PPP3CB: variants seen among roughly 807,000 people sequenced by gnomAD.
The protein encoded by PPP3CB is protein phosphatase 3 catalytic subunit beta.
PPP3CB carries 8 observed loss-of-function variants against 66.4 expected under a neutral mutation model. That is an observed-to-expected ratio of 0.12 (90% CI 0.07 to 0.22). The LOEUF (loss-of-function observed/expected upper bound fraction) is 0.22, where lower values mean the gene tolerates loss of function less well. PPP3CB is among the 10% of genes least tolerant of loss of function. The probability of loss-of-function intolerance (pLI) is 1.00; values close to 1 mark genes in which losing one functional copy is unlikely to be tolerated. For missense variants in PPP3CB, 319 were observed against 642.5 expected (o/e 0.50, Z 5.44); for synonymous variants, 208 against 221.2 (o/e 0.94, Z 0.53).
intron 4 of PPP3CB, among the ~76,000 whole-genome samples, chr10:73,474,129 G>A (rs746892493): frequency 6.6e-6 from 1 of 151,590 alleles, no homozygotes; most frequent in Non-Finnish European, 1.5e-5. Flanking sequence ...TGCAACCTCC[G>A]CCTCCCAGGT....
intron 1 of PPP3CB, among the ~76,000 whole-genome samples, chr10:73,489,514 TAATTCTCC>T (rs2057038464): frequency 6.6e-6 from 1 of 152,128 alleles, no homozygotes; most frequent in Non-Finnish European, 1.5e-5. Flanking sequence ...CGGTCTCTAT[TAATTCTCC>T]AAAAACCCTA....
chr10:73,469,262 CA>C (rs1279148492), intron 8 of PPP3CB, among the ~76,000 whole-genome samples: 6 of 152,104 alleles, frequency 3.9e-5, no homozygotes, highest in African/African-American at 1.2e-4. Context: ...GGAATCAGGG[CA>C]GGGGCGCAGT....
chr10:73,447,908 C>CA lies in PPP3CB; in HGVS notation c.1187-1336dup, dbSNP rs568585890. ...TTTAAAATACCAAAAAAAAAAACCACAAAAAAACCCCCAAAAACTAAAAAT... is the reference window on the plus strand; with the variant it reads ...TTTAAAATACCAAAAAAAAAAACCACAAAAAAAACCCCCAAAAACTAAAAAT... On this transcript the variant is annotated intron_variant, in intron 10 of 13. Coordinates refer to ENST00000360663, the MANE Select transcript of PPP3CB (RefSeq NM_021132.4). Among the ~76,000 whole-genome samples, 153 of 149,336 alleles carry CA rather than the reference C, an allele frequency of 1.0e-3. 2 individuals carry two copies. The highest frequency in any genetic ancestry group is 3.5e-3 in the African/African-American group (142 of 40,898).
intron 1 of PPP3CB, among the ~76,000 whole-genome samples, chr10:73,494,990 TCTG>T (rs2057160075): frequency 6.6e-6 from 1 of 152,216 alleles, no homozygotes; most frequent in African/African-American, 2.4e-5. Context: ...TTTAAATTAA[TCTG>T]CTGACCTGTT....
intron 12 of PPP3CB, among the ~76,000 whole-genome samples, chr10:73,441,377 A>C (rs1259924021): frequency 1.3e-5 from 2 of 152,154 alleles, no homozygotes; most frequent in African/African-American, 4.8e-5. Flanking sequence ...CTGAGGTGGA[A>C]GGATCCCTTG....
intron 1 of PPP3CB, among the ~76,000 whole-genome samples, chr10:73,482,149 A>T (rs2056889440): frequency 6.6e-6 from 1 of 152,196 alleles, no homozygotes. Context: ...TCTTACTAAT[A>T]AACACAAATT....
At chr10:73,442,461 G>A (rs536816181) in intron 12 of PPP3CB, among the ~76,000 whole-genome samples, 1 of 152,312 alleles carries the variant, frequency 6.6e-6, no homozygotes, top group East Asian at 1.9e-4. Flanking sequence ...ACTGAGAGAT[G>A]ACTATACTGT....
chr10:73,467,716 A>C (rs773733258), intron 8 of PPP3CB, 38 bp from the exon 9 acceptor site: 5 of 1,473,266 alleles, frequency 3.4e-6, no homozygotes, highest in African/African-American at 1.5e-5. Flanking sequence ...TTAATAGATA[A>C]GTAACTATTT....
chr10:73,459,363 G>C (rs1214108938), intron 9 of PPP3CB, among the ~76,000 whole-genome samples: 1 of 152,166 alleles, frequency 6.6e-6, no homozygotes, highest in East Asian at 1.9e-4. Context: ...GCGGGCACCT[G>C]TAGTCCCAGC....
At chr10:73,487,913 T>C (rs2133032247) in intron 1 of PPP3CB, among the ~76,000 whole-genome samples, 1 of 152,034 alleles carries the variant, frequency 6.6e-6, no homozygotes, top group South Asian at 2.1e-4. Context: ...CTCGAGTAGC[T>C]GGGATTACAG....
chr10:73,448,947 A>G (rs1009396725), intron 10 of PPP3CB, among the ~76,000 whole-genome samples: 16 of 152,376 alleles, frequency 1.1e-4, no homozygotes, highest in Admixed American at 9.8e-4. Flanking sequence ...TTATGGACAG[A>G]ATAACTATCA....
At chr10:73,443,200 C>T (rs1283804026) in intron 12 of PPP3CB, among the ~76,000 whole-genome samples, 1 of 146,270 alleles carries the variant, frequency 6.8e-6, no homozygotes, top group African/African-American at 2.6e-5. Context: ...CTCTCACACA[C>T]ACACATGTAC....
chr10:73,454,519 C>T, intron 9 of PPP3CB, 30 bp from the exon 10 acceptor site: 1 of 1,499,884 alleles, frequency 6.7e-7, no homozygotes. Flanking sequence ...TACATGTTAG[C>T]TGACCATATA....
intron 13 of PPP3CB, 143 bp downstream of exon 13, chr10:73,439,729 G>C (rs1260956346): frequency 6.9e-6 from 6 of 869,342 alleles, no homozygotes; most frequent in Non-Finnish European, 1.1e-5. Context: ...AAAGAGGGCT[G>C]CAAGGCTTCT....
chr10:73,476,520 G>A (rs2056791228), intron 3 of PPP3CB, among the ~76,000 whole-genome samples: 1 of 151,924 alleles, frequency 6.6e-6, no homozygotes, highest in African/African-American at 2.4e-5. Flanking sequence ...GGGAGGCTGA[G>A]GCAGGAGAAT....
chr10:73,443,436 A>AT (rs778214798), intron 12 of PPP3CB, among the ~76,000 whole-genome samples: 23 of 152,174 alleles, frequency 1.5e-4, no homozygotes, highest in Non-Finnish European at 2.8e-4. Context: ...AAACGTTAAA[A>AT]TTGCCTATTT....
intron 1 of PPP3CB, among the ~76,000 whole-genome samples, chr10:73,483,633 G>A (rs553874339): frequency 6.6e-6 from 1 of 152,082 alleles, no homozygotes; most frequent in East Asian, 1.9e-4. Context: ...TTCCAGCCTG[G>A]GAGACAGAGC....
At chr10:73,438,975 T>TG (rs112419142) in intron 13 of PPP3CB, among the ~76,000 whole-genome samples, 12,098 of 152,242 alleles carry the variant, frequency 0.079, 1,523 homozygotes, top group African/African-American at 0.27. Context: ...ATTAAAAAGG[T>TG]GGAAGTGCCT....
At chr10:73,469,649 A>C (rs1220048184) in intron 8 of PPP3CB, among the ~76,000 whole-genome samples, 1 of 152,212 alleles carries the variant, frequency 6.6e-6, no homozygotes, top group Admixed American at 6.5e-5. Context: ...TCTGTACCCA[A>C]GTTATCCAGC....
Sources: allele counts gnomAD v4.1 joint callset (sites outside exome capture counted in the v4.1 genomes callset), GRCh38; gene constraint gnomAD v4.1.1; transcripts MANE v1.5; gene names NCBI Gene and HGNC (gene_info 2026-07-23, HGNC 2026-07-21).